Variants in OPCML observed in about 807,000 individuals in gnomAD.
The protein encoded by OPCML is opioid binding protein/cell adhesion molecule like.
In OPCML, 13 loss-of-function variants were observed where a neutral mutation model predicts 37.8. The observed-to-expected ratio is 0.34, with a 90% CI of 0.22 to 0.55. OPCML has a LOEUF of 0.55. Ranked by LOEUF, OPCML falls within the 20% of genes least tolerant of loss-of-function variation. The probability of loss-of-function intolerance (pLI) is 0.91; values close to 1 mark genes in which losing one functional copy is unlikely to be tolerated. For missense variants in OPCML, 341 were observed against 435.6 expected, an observed-to-expected ratio of 0.78 and a Z score of 1.93; for synonymous variants, 176 against 168.8, an observed-to-expected ratio of 1.04 and a Z score of -0.33.
intron 2 of OPCML, among the ~76,000 whole-genome samples, chr11:132,824,548 C>T (rs912514596): frequency 6.6e-6 from 1 of 152,144 alleles, no homozygotes; most frequent in Non-Finnish European, 1.5e-5. Context: ...CACTTTGTCT[C>T]CACTTACTTT....
At chr11:133,267,109 T>C (rs1049074783) in intron 1 of OPCML, among the ~76,000 whole-genome samples, 3 of 152,214 alleles carry the variant, frequency 2.0e-5, no homozygotes, top group Non-Finnish European at 4.4e-5. Context: ...GGAAGGACTT[T>C]GTAGGCGGTG....
chr11:133,086,079 G>A (rs1001241796), intron 1 of OPCML, among the ~76,000 whole-genome samples: 1 of 152,202 alleles, frequency 6.6e-6, no homozygotes, highest in Non-Finnish European at 1.5e-5. Context: ...GCTAGAGAAA[G>A]CCTTTTAATC....
chr11:133,328,350 G>C lies in OPCML; in HGVS notation c.61+203914C>G, dbSNP rs567623649. Among the ~76,000 whole-genome samples, 21 of 152,104 alleles carry C rather than the reference G, an allele frequency of 1.4e-4. No homozygotes were observed. In the South Asian group the frequency reaches 4.4e-3, roughly 32 times the overall value. On this transcript the variant is annotated intron_variant, in intron 1 of 7. Transcript: ENST00000524381. The stretch of plus-strand genomic sequence containing the variant: ...TTTTTGCATTTTTAGTAGAGATGGG[G>C]TTTTGCCATGTTGGCCAGCGTGGTC...
rs201127877 is a variant in OPCML, at chr11:133,093,828, AG to A, written c.62-150819del. The stretch of plus-strand genomic sequence containing the variant: ...GAGTAATGCAGTGGGAAAAGAAGGC[AG>A]CACGATGCAAATGTCATCTCTGCAT... On this transcript the variant is annotated intron_variant, in intron 1 of 7. Transcript: ENST00000524381. Among the ~76,000 whole-genome samples the A allele has an allele frequency of 6.1e-3, 929 of 152,280 alleles. 5 individuals are homozygous for A. The highest frequency in any genetic ancestry group is 0.021 in the African/African-American group (879 of 41,550).
intron 4 of OPCML, among the ~76,000 whole-genome samples, chr11:132,496,641 G>C (rs2096232164): frequency 6.6e-6 from 1 of 152,122 alleles, no homozygotes; most frequent in South Asian, 2.1e-4. Context: ...ATAAATTCAA[G>C]GTCATGTAAA....
At chr11:132,595,876 C>G (rs1023931996) in intron 3 of OPCML, among the ~76,000 whole-genome samples, 1 of 152,170 alleles carries the variant, frequency 6.6e-6, no homozygotes, top group Non-Finnish European at 1.5e-5. Flanking sequence ...AGCTAAGAGC[C>G]ATGGACAGCA....
At chr11:132,490,054 T>A (rs137867511) in intron 4 of OPCML, among the ~76,000 whole-genome samples, 2,156 of 152,204 alleles carry the variant, frequency 0.014, 57 homozygotes, top group African/African-American at 0.049. Flanking sequence ...TATTCCATGG[T>A]GTATATGTGC....
At chr11:132,810,283 A>G (rs575906050) in intron 2 of OPCML, among the ~76,000 whole-genome samples, 1 of 152,322 alleles carries the variant, frequency 6.6e-6, no homozygotes, top group Middle Eastern at 3.4e-3. Context: ...TGCTCTGGGC[A>G]TCCTTTCTGT....
intron 1 of OPCML, among the ~76,000 whole-genome samples, chr11:133,106,337 T>C (rs576155570): frequency 6.6e-6 from 1 of 152,372 alleles, no homozygotes; most frequent in East Asian, 1.9e-4. Flanking sequence ...TGCACCCATT[T>C]AGCAAACTCT....
intron 3 of OPCML, among the ~76,000 whole-genome samples, chr11:132,651,490 A>G (rs1941425263): frequency 6.6e-6 from 1 of 152,192 alleles, no homozygotes; most frequent in African/African-American, 2.4e-5. Flanking sequence ...AAGGGGATTT[A>G]AAGCACGCGG....
chr11:133,355,904 A>C (rs1176899635), intron 1 of OPCML, among the ~76,000 whole-genome samples: 1 of 152,188 alleles, frequency 6.6e-6, no homozygotes, highest in Non-Finnish European at 1.5e-5. Flanking sequence ...CATGTTCCTA[A>C]CAGCCGTGCT....
chr11:133,310,522 T>C (rs1943043830), intron 1 of OPCML, among the ~76,000 whole-genome samples: 1 of 152,200 alleles, frequency 6.6e-6, no homozygotes, highest in South Asian at 2.1e-4. Flanking sequence ...TCACCATTTC[T>C]TAGAGAATGG....
At chr11:132,906,869 T>C (rs1226745509) in intron 2 of OPCML, among the ~76,000 whole-genome samples, 1 of 152,198 alleles carries the variant, frequency 6.6e-6, no homozygotes, top group Non-Finnish European at 1.5e-5. Context: ...TGAGGCTGGT[T>C]GGGTTTCATG....
chr11:132,439,036 A>G (rs1388473920), intron 4 of OPCML, among the ~76,000 whole-genome samples: 1 of 152,190 alleles, frequency 6.6e-6, no homozygotes, highest in Non-Finnish European at 1.5e-5. Context: ...CCGTTCTGTT[A>G]GTCCAATCTG....
chr11:133,224,231 A>G (rs753117637), intron 1 of OPCML, among the ~76,000 whole-genome samples: 5 of 152,168 alleles, frequency 3.3e-5, no homozygotes, highest in Non-Finnish European at 7.4e-5. Flanking sequence ...GCCACCTCCA[A>G]AGGGGTCACT....
At chr11:132,777,779 G>A (rs375644368) in intron 2 of OPCML, among the ~76,000 whole-genome samples, 4 of 152,146 alleles carry the variant, frequency 2.6e-5, no homozygotes, top group African/African-American at 4.8e-5. Context: ...TGGGAACGAC[G>A]GAATCCTTGT....
intron 1 of OPCML, among the ~76,000 whole-genome samples, chr11:133,200,192 C>T (rs1278391978): frequency 6.6e-6 from 1 of 152,170 alleles, no homozygotes; most frequent in African/African-American, 2.4e-5. Flanking sequence ...GATGTCGCCC[C>T]TGACTGCTGC....
At chr11:133,133,855 A>G (rs1205155975) in intron 1 of OPCML, among the ~76,000 whole-genome samples, 1 of 152,172 alleles carries the variant, frequency 6.6e-6, no homozygotes, top group Admixed American at 6.5e-5. Context: ...TCGGGGGGGA[A>G]AAAGCCTAGG....
intron 1 of OPCML, among the ~76,000 whole-genome samples, chr11:133,343,573 G>A (rs1410119245): frequency 6.6e-6 from 1 of 152,030 alleles, no homozygotes; most frequent in Non-Finnish European, 1.5e-5. Flanking sequence ...TTTCTCTAGG[G>A]TTAGAGAAGG....
Sources: allele counts gnomAD v4.1 joint callset (sites outside exome capture counted in the v4.1 genomes callset), GRCh38; gene constraint gnomAD v4.1.1; transcripts MANE v1.5; gene names NCBI Gene and HGNC (gene_info 2026-07-23, HGNC 2026-07-21).